The following UPP2 variants were observed in gnomAD, a reference collection of about 807,000 sequenced individuals.
The protein encoded by UPP2 is uridine phosphorylase 2.
In UPP2, 23 loss-of-function variants were observed where a neutral mutation model predicts 26.7. The observed-to-expected ratio is 0.86, with a 90% CI of 0.62 to 1.22. UPP2 has a LOEUF of 1.22. Ranked by LOEUF, UPP2 falls within the 50% of genes most tolerant of loss-of-function variation. UPP2 has a pLI of 0.00. For missense variants in UPP2, 387 were observed against 396.7 expected, an observed-to-expected ratio of 0.98 and a Z score of 0.21; for synonymous variants, 127 against 141.3, an observed-to-expected ratio of 0.90 and a Z score of 0.72.
intron 3 of UPP2, among the ~76,000 whole-genome samples, chr2:158,062,070 T>C (rs746588718): frequency 2.6e-5 from 4 of 152,242 alleles, no homozygotes; most frequent in Non-Finnish European, 2.9e-5. Context: ...AGCAATAGTA[T>C]TGAATAATTG....
At chr2:158,096,922 G>T (rs539424323), upstream of UPP2, among the ~76,000 whole-genome samples, 43 of 152,082 alleles carry the variant, frequency 2.8e-4, no homozygotes, top group Middle Eastern at 3.4e-3. Context: ...TACTTATCTG[G>T]GGAGAAAGGG....
intron 3 of UPP2, among the ~76,000 whole-genome samples, chr2:158,022,818 C>T (rs1161749275): frequency 6.6e-6 from 1 of 152,190 alleles, no homozygotes; most frequent in African/African-American, 2.4e-5. Context: ...TTCATTCCTA[C>T]TGTCATTCAT....
chr2:158,022,300 A>T (rs987624893), intron 3 of UPP2, among the ~76,000 whole-genome samples: 1 of 152,068 alleles, frequency 6.6e-6, no homozygotes, highest in Non-Finnish European at 1.5e-5. Context: ...TCTACTAAAA[A>T]TACAAAAAAT....
chr2:158,101,051 C>T (rs770606207), upstream of UPP2, among the ~76,000 whole-genome samples: 53 of 152,272 alleles, frequency 3.5e-4, 1 homozygote, highest in Middle Eastern at 6.8e-3. Context: ...TAGGAGGTGT[C>T]TTGTATTTGC....
chr2:158,006,436 C>T (rs980181738), intron 2 of UPP2, among the ~76,000 whole-genome samples: 5 of 145,538 alleles, frequency 3.4e-5, no homozygotes, highest in East Asian at 2.1e-4. Flanking sequence ...GAGATCGTAC[C>T]GCTGCACTCC....
chr2:158,094,448 C>A (rs573073474), intron 3 of UPP2, among the ~76,000 whole-genome samples: 1 of 152,198 alleles, frequency 6.6e-6, no homozygotes, highest in South Asian at 2.1e-4. Context: ...AAATAAAAAA[C>A]CAAGTAAAGT....
intron 3 of UPP2, among the ~76,000 whole-genome samples, chr2:158,028,035 G>C (rs1377951867): frequency 6.6e-6 from 1 of 152,196 alleles, no homozygotes. Context: ...GGCCTGTGTT[G>C]GGAGGGGCTG....
rs1432284804 is a variant in UPP2, at chr2:158,136,052, T to G, written c.*1162T>G. ...GGAAATAGGTCCTAGGCCGGTTGAG[T>G]CTGAATTGGCCTGCTCCTGGGTGGG... On this transcript the variant is annotated 3_prime_UTR_variant, in exon 7 of 7. Coordinates refer to ENST00000005756, the MANE Select transcript of UPP2 (RefSeq NM_173355.4). 1.3e-5 allele frequency: 2 copies of G among 152,136 alleles called. No homozygotes were observed. Among genetic ancestry groups the G allele is most frequent in the African/African-American group, 4.8e-5 (2 of 41,416 alleles). 9.4% of individuals were successfully genotyped at this position (152,136 alleles called of 1,614,324 possible).
chr2:158,068,016 C>T (rs1682465895), intron 3 of UPP2, among the ~76,000 whole-genome samples: 1 of 152,106 alleles, frequency 6.6e-6, no homozygotes, highest in Non-Finnish European at 1.5e-5. Context: ...ATTAGCAATT[C>T]TGTAAAAACT....
chr2:158,083,456 C>T (rs1028586269), intron 3 of UPP2, among the ~76,000 whole-genome samples: 4 of 151,988 alleles, frequency 2.6e-5, no homozygotes, highest in Non-Finnish European at 5.9e-5. Flanking sequence ...AACACAAGAA[C>T]AGAAAACCAA....
Position 158,117,810 on chromosome 2 carries a change from C to A in UPP2, c.340-14C>A. 1 of 1,588,282 alleles carries A rather than the reference C, an allele frequency of 6.3e-7. No individual in the cohort carries two copies. Among genetic ancestry groups the A allele is most frequent in the Non-Finnish European group, 8.6e-7 (1 of 1,156,996 alleles). ...TTTGCAAGATGTATGATGACTTTCTCTTTCTCTCAATAGCACGGCATGGGC... is the reference window on the plus strand; with the variant it reads ...TTTGCAAGATGTATGATGACTTTCTATTTCTCTCAATAGCACGGCATGGGC... On this transcript the variant is annotated splice_polypyrimidine_tract_variant and intron_variant, in intron 3 of 6. Transcript: ENST00000005756.
intron 3 of UPP2, among the ~76,000 whole-genome samples, chr2:158,051,665 C>T (rs1331553553): frequency 6.6e-6 from 1 of 152,018 alleles, no homozygotes; most frequent in African/African-American, 2.4e-5. Flanking sequence ...CCTGTAATCC[C>T]AGCTACTCAG....
intron 3 of UPP2, among the ~76,000 whole-genome samples, chr2:158,025,751 G>C (rs772230398): frequency 3.9e-5 from 6 of 152,222 alleles, no homozygotes; most frequent in Non-Finnish European, 8.8e-5. Flanking sequence ...ACACATCTGT[G>C]TAAAATTAGT....
intron 3 of UPP2, among the ~76,000 whole-genome samples, chr2:158,037,243 C>T (rs1011692852): frequency 6.6e-6 from 1 of 151,896 alleles, no homozygotes; most frequent in Non-Finnish European, 1.5e-5. Context: ...GGTGTGGTGG[C>T]GGGCATCTGT....
At chr2:158,081,509 C>T (rs1682726516) in intron 3 of UPP2, among the ~76,000 whole-genome samples, 1 of 152,160 alleles carries the variant, frequency 6.6e-6, no homozygotes, top group African/African-American at 2.4e-5. Flanking sequence ...AAAGAGATAG[C>T]TGCACTCCCA....
intron 2 of UPP2, among the ~76,000 whole-genome samples, chr2:158,012,927 A>C (rs543129722): frequency 1.3e-5 from 2 of 152,136 alleles, no homozygotes; most frequent in Non-Finnish European, 2.9e-5. Context: ...ATACCCTACT[A>C]TATGGAGAAA....
intron 3 of UPP2, among the ~76,000 whole-genome samples, chr2:158,084,894 T>C (rs984867407): frequency 1.3e-5 from 2 of 152,204 alleles, no homozygotes; most frequent in African/African-American, 2.4e-5. Flanking sequence ...TTGGTGACTA[T>C]GGCCTTATAA....
chr2:158,053,594 A>T (rs537109419), intron 3 of UPP2, among the ~76,000 whole-genome samples: 2 of 152,266 alleles, frequency 1.3e-5, no homozygotes, highest in Admixed American at 6.5e-5. Flanking sequence ...GGATGGATGG[A>T]TGGAAGGATG....
chr2:158,006,938 C>T (rs991807303), intron 2 of UPP2, among the ~76,000 whole-genome samples: 1 of 152,122 alleles, frequency 6.6e-6, no homozygotes, highest in African/African-American at 2.4e-5. Context: ...TTTTGTGTAC[C>T]AGAAGGCCCT....
Sources: gnomAD v4.1 joint callset for allele counts (sites outside exome capture counted in the v4.1 genomes callset) on GRCh38, gnomAD v4.1.1 for gene constraint, MANE v1.5 for transcripts, NCBI Gene and HGNC (gene_info 2026-07-23, HGNC 2026-07-21) for gene names.